Variants in BBX observed in about 807,000 individuals in gnomAD.
The protein encoded by BBX is HMG box transcription factor BBX.
A neutral mutation model predicts 100.2 loss-of-function variants in BBX; 30 were observed. That is an observed-to-expected ratio of 0.30 (90% CI 0.22 to 0.41). The LOEUF (loss-of-function observed/expected upper bound fraction) is 0.41, where lower values mean the gene tolerates loss of function less well. Among genes scored for constraint, BBX ranks in the 10% least tolerant of loss-of-function variants. The pLI is 1.00. For missense variants in BBX, 1,023 were observed against 1,129.8 expected (o/e 0.91, Z 1.35); for synonymous variants, 376 against 388.1 (o/e 0.97, Z 0.37).
chr3:107,785,271 A>G (rs1027564287), intron 13 of BBX, among the ~76,000 whole-genome samples: 1 of 151,898 alleles, frequency 6.6e-6, no homozygotes, highest in Non-Finnish European at 1.5e-5. Flanking sequence ...TCACAAATGA[A>G]TCCAGAAATT....
chr3:107,677,394 T>C (rs2059335723), intron 3 of BBX: 1 of 152,084 alleles, frequency 6.6e-6, no homozygotes, highest in Non-Finnish European at 1.5e-5. Context: ...CTCTGAAAAA[T>C]TTCTTAGTGT....
At chr3:107,730,965 T>C (rs1490198979) in intron 6 of BBX, among the ~76,000 whole-genome samples, 2 of 152,122 alleles carry the variant, frequency 1.3e-5, no homozygotes, top group Admixed American at 1.3e-4. Flanking sequence ...TGGAATCTCT[T>C]TTGTTTTGCT....
At chr3:107,580,417 G>A (rs2052184756) in intron 2 of BBX, among the ~76,000 whole-genome samples, 2 of 151,986 alleles carry the variant, frequency 1.3e-5, no homozygotes, top group Non-Finnish European at 2.9e-5. Flanking sequence ...TATTATACAA[G>A]CACATTCATG....
At chr3:107,591,137 A>G (rs2053276561) in intron 2 of BBX, among the ~76,000 whole-genome samples, 1 of 152,248 alleles carries the variant, frequency 6.6e-6, no homozygotes, top group African/African-American at 2.4e-5. Flanking sequence ...TAATAGATTA[A>G]GCAGAGAAAC....
At chr3:107,523,377 T>TCGCGGCGGC (rs937152361) in intron 1 of BBX, 2 of 151,982 alleles carry the variant, frequency 1.3e-5, no homozygotes, top group African/African-American at 4.9e-5. Context: ...GGGGCGAGGG[T>TCGCGGCGGC]CGCGGCGGCC....
chr3:107,771,719 A>C (rs1445562193), intron 10 of BBX, among the ~76,000 whole-genome samples: 1 of 152,214 alleles, frequency 6.6e-6, no homozygotes, highest in Non-Finnish European at 1.5e-5. Flanking sequence ...TTCTCAGAGC[A>C]TTTATGACTT....
At chr3:107,732,916 T>C in intron 6 of BBX, 40 bp from the exon 7 acceptor site, 3 of 1,532,180 alleles carry the variant, frequency 2.0e-6, no homozygotes, top group Non-Finnish European at 1.8e-6. Flanking sequence ...TGTATGTACT[T>C]TATGCTTATA....
At chr3:107,562,975 G>A (rs1295010111) in intron 2 of BBX, among the ~76,000 whole-genome samples, 2 of 152,174 alleles carry the variant, frequency 1.3e-5, no homozygotes, top group African/African-American at 4.8e-5. Flanking sequence ...TATGTGTGGT[G>A]TTATGCAAAT....
chr3:107,804,063 A>G (rs888200915), intron 17 of BBX, among the ~76,000 whole-genome samples: 1 of 152,064 alleles, frequency 6.6e-6, no homozygotes. Flanking sequence ...AGAGCTGAAC[A>G]TATTGAACAG....
chr3:107,798,576 A>G lies in BBX; in HGVS notation c.2407A>G (p.Ile803Val), dbSNP rs780239541. The G allele has an allele frequency of 1.4e-5, 23 of 1,614,000 alleles. No individual in the cohort carries two copies. The highest frequency in any genetic ancestry group is 1.3e-4 in the Admixed American group (8 of 60,012). ...GGAGCCTGTTCATAAGGTTAAAAAT[A>G]TCCCATCCATTTTCAACACTCCAGA... Reference protein sequence around the residue: ...TMEPVHKVKNIPSIFNTPEPT... With the variant: ...TMEPVHKVKNVPSIFNTPEPT... The change falls in exon 16 of 18, where the codon ATC (isoleucine) becomes GTC (valine). Residue 803 changes from isoleucine to valine, a missense_variant. By Grantham distance (29) the Ile-to-Val change is conservative. This residue lies in a region of BBX where 215 missense variants were observed against 211.3 expected (regional missense o/e 1.02). Transcript: ENST00000325805.
At chr3:107,565,485 G>C (rs374517057) in intron 2 of BBX, among the ~76,000 whole-genome samples, 3 of 49,036 alleles carry the variant, frequency 6.1e-5, no homozygotes, top group Admixed American at 1.9e-4. Flanking sequence ...ATTTATGTAT[G>C]TTTGAGACGG....
At chr3:107,769,169 C>CATAGATAGATAGATAG (rs61134656) in intron 10 of BBX, among the ~76,000 whole-genome samples, 31 of 132,460 alleles carry the variant, frequency 2.3e-4, no homozygotes, top group African/African-American at 4.9e-4. Context: ...CTCTATCATT[C>CATAGATAGATAGATAG]ATAGATAGAT....
At chr3:107,717,753 C>T (rs1249802437) in intron 5 of BBX, among the ~76,000 whole-genome samples, 1 of 151,978 alleles carries the variant, frequency 6.6e-6, no homozygotes, top group Non-Finnish European at 1.5e-5. Flanking sequence ...AATGTGAGAC[C>T]ATTATACACT....
chr3:107,680,022 G>C (rs2059491349), intron 3 of BBX, among the ~76,000 whole-genome samples: 1 of 152,178 alleles, frequency 6.6e-6, no homozygotes, highest in Admixed American at 6.5e-5. Flanking sequence ...GATCAGGGAA[G>C]GCTGGGAGGA....
At chr3:107,738,774 C>T (rs1039135750) in intron 7 of BBX, among the ~76,000 whole-genome samples, 1 of 152,162 alleles carries the variant, frequency 6.6e-6, no homozygotes, top group African/African-American at 2.4e-5. Flanking sequence ...AGAGCAGGGG[C>T]ATTTTGTGAG....
chr3:107,712,737 T>C (rs995638177), intron 4 of BBX, among the ~76,000 whole-genome samples: 1 of 152,118 alleles, frequency 6.6e-6, no homozygotes, highest in Non-Finnish European at 1.5e-5. Context: ...AGGAATCCCT[T>C]CAAAATGTAA....
intron 2 of BBX, among the ~76,000 whole-genome samples, chr3:107,535,799 A>G (rs1247815434): frequency 6.6e-6 from 1 of 152,156 alleles, no homozygotes; most frequent in East Asian, 1.9e-4. Flanking sequence ...AGGTTTTGCC[A>G]TGTTGGCCAG....
intron 4 of BBX, chr3:107,716,329 TGAGA>T (rs1255944257): frequency 9.3e-6 from 3 of 322,834 alleles, no homozygotes; most frequent in Non-Finnish European, 1.7e-5. Flanking sequence ...CACTGTTTAG[TGAGA>T]GAGAAAAAAA....
At chr3:107,526,780 T>C (rs2047808997) in intron 2 of BBX, 1 of 154,976 alleles carries the variant, frequency 6.5e-6, no homozygotes, top group African/African-American at 2.4e-5. Flanking sequence ...AAGGAAGCAT[T>C]GTGCAGAAGT....
Sources: allele counts gnomAD v4.1 joint callset (sites outside exome capture counted in the v4.1 genomes callset), GRCh38; gene constraint gnomAD v4.1.1; regional missense constraint gnomAD v4.1.1; transcripts MANE v1.5; gene names NCBI Gene and HGNC (gene_info 2026-07-23, HGNC 2026-07-21).